ANKRD12: variants seen among roughly 807,000 people sequenced by gnomAD.
ANKRD12 encodes the protein ankyrin repeat domain 12, also known as ankyrin repeat domain-containing protein 12.
Under a neutral mutation model 183.4 loss-of-function variants are expected in ANKRD12, and 85 were observed. The ratio of observed to expected loss-of-function variants is 0.46; its 90% confidence interval spans 0.39 to 0.56. The LOEUF (loss-of-function observed/expected upper bound fraction) is 0.56. ANKRD12 is among the 20% of genes least tolerant of loss of function. ANKRD12 has a pLI of 0.00. For missense variants in ANKRD12, 2,405 were observed against 2,357.1 expected (o/e 1.02, Z -0.42); for synonymous variants, 914 against 800.2 (o/e 1.14, Z -2.40).
At position 9,270,470 on chromosome 18, in the gene ANKRD12, A is replaced by G. The variant is rs139141017; in HGVS notation, c.5764-5054A>G. On this transcript the variant is annotated intron_variant, in intron 10 of 12. Coordinates refer to ENST00000262126, the MANE Select transcript of ANKRD12 (RefSeq NM_015208.5). ...ATGAGTTTATGTCCTCTGTCGGGAC[A>G]TGGATGAAGCTGGAAACCATCATTC... is the stretch of plus-strand genomic sequence containing the variant. Among the ~76,000 whole-genome samples, 235 of 152,352 alleles carry G rather than the reference A, an allele frequency of 1.5e-3. 1 individual carries two copies. The highest frequency in any genetic ancestry group is 5.0e-3 in the African/African-American group (208 of 41,578).
At chr18:9,179,281 T>C (rs964672441) in intron 1 of ANKRD12, among the ~76,000 whole-genome samples, 1 of 152,094 alleles carries the variant, frequency 6.6e-6, no homozygotes, top group Non-Finnish European at 1.5e-5. Flanking sequence ...TGAACTTACG[T>C]AGGACCACCA....
At chr18:9,200,301 A>T (rs1250676496) in intron 3 of ANKRD12, among the ~76,000 whole-genome samples, 1 of 152,176 alleles carries the variant, frequency 6.6e-6, no homozygotes, top group Non-Finnish European at 1.5e-5. Flanking sequence ...ATTCTGAATT[A>T]ATTTATTTAA....
intron 2 of ANKRD12, among the ~76,000 whole-genome samples, chr18:9,183,213 C>T (rs937858344): frequency 6.6e-6 from 1 of 152,276 alleles, no homozygotes; most frequent in Non-Finnish European, 1.5e-5. Flanking sequence ...TTTTCAGAAT[C>T]GTTTTGAGTC....
At chr18:9,264,562 C>T (rs1315327398) in intron 10 of ANKRD12, among the ~76,000 whole-genome samples, 1 of 152,128 alleles carries the variant, frequency 6.6e-6, no homozygotes, top group Non-Finnish European at 1.5e-5. Flanking sequence ...CTACTGTGGA[C>T]TTCTGTAACA....
rs1468485800 is a variant in ANKRD12 at position 9,282,620 on chromosome 18, CA to C, written c.*1498del. ...TCATAAATATATGAGGTAAAATTTGCAAAACTTTCCACAGTACTTTCTTGAA... is the reference window on the plus strand; with the variant it reads ...TCATAAATATATGAGGTAAAATTTGCAAACTTTCCACAGTACTTTCTTGAA... On this transcript the variant is annotated 3_prime_UTR_variant, in exon 13 of 13. Transcript: ENST00000262126. 2 of 152,468 alleles carry C rather than the reference CA, an allele frequency of 1.3e-5. No homozygotes were observed. Among genetic ancestry groups the C allele is most frequent in the Non-Finnish European group, 2.9e-5 (2 of 67,964 alleles). The allele number at this position is 152,468 out of a possible 1,614,324, so 9.4% of individuals were successfully genotyped here. A position where few individuals can be genotyped will look rare whatever the true frequency, so the allele number is the denominator to read the frequency against.
intron 7 of ANKRD12, among the ~76,000 whole-genome samples, chr18:9,220,869 G>C (rs934834413): frequency 6.6e-6 from 1 of 152,134 alleles, no homozygotes; most frequent in African/African-American, 2.4e-5. Flanking sequence ...ACCATCATTG[G>C]TTTAGATCTT....
chr18:9,153,854 A>G (rs2029972491), intron 1 of ANKRD12, among the ~76,000 whole-genome samples: 1 of 151,852 alleles, frequency 6.6e-6, no homozygotes, highest in African/African-American at 2.4e-5. Flanking sequence ...TAGCTCACTA[A>G]TTCATTCTTT....
chr18:9,229,976 C>T (rs551609696), intron 8 of ANKRD12, among the ~76,000 whole-genome samples: 91 of 152,190 alleles, frequency 6.0e-4, no homozygotes, highest in African/African-American at 1.6e-3. Flanking sequence ...GTGATGCTGG[C>T]TTTGTAGAAT....
At chr18:9,263,093 G>T (rs1349474603) in intron 9 of ANKRD12, among the ~76,000 whole-genome samples, 2 of 152,038 alleles carry the variant, frequency 1.3e-5, no homozygotes, top group Non-Finnish European at 2.9e-5. Flanking sequence ...ACCATGCCCG[G>T]CCAGTGTATC....
At chr18:9,265,146 G>T (rs2039212247) in intron 10 of ANKRD12, among the ~76,000 whole-genome samples, 1 of 152,360 alleles carries the variant, frequency 6.6e-6, no homozygotes, top group East Asian at 1.9e-4. Flanking sequence ...AGTGGGTGGA[G>T]CCCACTGCAG....
intron 8 of ANKRD12, among the ~76,000 whole-genome samples, chr18:9,252,836 G>A (rs2038381483): frequency 6.6e-6 from 1 of 152,128 alleles, no homozygotes; most frequent in Non-Finnish European, 1.5e-5. Flanking sequence ...CACATAATTT[G>A]TGATGTTTAT....
intron 8 of ANKRD12, chr18:9,239,478 A>G (rs1380558885): frequency 1.3e-5 from 17 of 1,276,094 alleles, no homozygotes; most frequent in Non-Finnish European, 1.5e-5. Context: ...ATTTTTCAGA[A>G]TATTTATTTT....
intron 3 of ANKRD12, among the ~76,000 whole-genome samples, chr18:9,197,528 T>G (rs4318275): frequency 0.79 from 120,797 of 152,116 alleles, 48,167 homozygotes; most frequent in Middle Eastern, 0.88. Flanking sequence ...ATAGCCTGCT[T>G]TTGACCAAAG....
At chr18:9,139,044 A>G (rs894172021) in intron 1 of ANKRD12, among the ~76,000 whole-genome samples, 2 of 152,226 alleles carry the variant, frequency 1.3e-5, no homozygotes, top group African/African-American at 4.8e-5. Context: ...CATAATTTTC[A>G]TAGTAGTTGG....
At chr18:9,168,610 TTTC>T (rs1283853704) in intron 1 of ANKRD12, among the ~76,000 whole-genome samples, 2 of 152,188 alleles carry the variant, frequency 1.3e-5, no homozygotes, top group Non-Finnish European at 2.9e-5. Flanking sequence ...TCTTTTCTCT[TTTC>T]TTCTTTATTA....
intron 10 of ANKRD12, among the ~76,000 whole-genome samples, chr18:9,265,479 G>C (rs1164171055): frequency 6.6e-6 from 1 of 152,160 alleles, no homozygotes; most frequent in Non-Finnish European, 1.5e-5. Flanking sequence ...AATATCTGCT[G>C]TTCTGCAGTC....
In ANKRD12 at chr18:9,285,345, C is replaced by T. The variant is rs1006394902; in HGVS notation, c.*4219C>T. 4.0e-5 allele frequency: 6 copies of T among 148,906 alleles called. No homozygotes were observed. The highest frequency in any genetic ancestry group is 7.4e-5 in the Non-Finnish European group (5 of 67,556). The allele number at this position is 148,906 out of a possible 1,614,324, so 9.2% of individuals were successfully genotyped here. A position where few individuals can be genotyped will look rare whatever the true frequency, so the allele number is the denominator to read the frequency against. On this transcript the variant is annotated 3_prime_UTR_variant, in exon 13 of 13. Transcript: ENST00000262126. ...ACTTGGGAGGTTGAGACAGGAGAAT[C>T]GCTTGAAGCCTGGAGGCGGAGGTTG...
intron 1 of ANKRD12, 149 bp from the exon 2 acceptor site, chr18:9,182,233 A>G (rs1013354105): frequency 3.6e-6 from 1 of 277,226 alleles, no homozygotes; most frequent in Non-Finnish European, 6.7e-6. Flanking sequence ...AGAAGCTAAA[A>G]TAAGGTGAAA....
rs2040162077 is a variant in ANKRD12, at chr18:9,283,193, A to T, written c.*2067A>T. The stretch of plus-strand genomic sequence containing the variant: ...TAGAAAATCAGAGAGGGGTAAGTTT[A>T]TAGGGCATTTTGTTCTGATGGTTCA... On this transcript the variant is annotated 3_prime_UTR_variant, in exon 13 of 13. Coordinates refer to ENST00000262126, the MANE Select transcript of ANKRD12 (RefSeq NM_015208.5). 1 of 152,234 alleles carries T rather than the reference A, an allele frequency of 6.6e-6. No individual in the cohort carries two copies. Among genetic ancestry groups the T allele is most frequent in the African/African-American group, 2.4e-5 (1 of 41,472 alleles). 9.4% of individuals were successfully genotyped at this position (152,234 alleles called of 1,614,324 possible).
Sources: gnomAD v4.1 joint callset for allele counts (sites outside exome capture counted in the v4.1 genomes callset) on GRCh38, gnomAD v4.1.1 for gene constraint, MANE v1.5 for transcripts, NCBI Gene and HGNC (gene_info 2026-07-23, HGNC 2026-07-21) for gene names.